LPCAT3: variants seen among roughly 807,000 people sequenced by gnomAD.
LPCAT3 encodes lysophospholipid acyltransferase 5.
A neutral mutation model predicts 63.4 loss-of-function variants in LPCAT3; 21 were observed. That is an observed-to-expected ratio of 0.33 (90% CI 0.23 to 0.48). The LOEUF (loss-of-function observed/expected upper bound fraction) is 0.48, where lower values mean the gene tolerates loss of function less well. Ranked by LOEUF, LPCAT3 falls within the 20% of genes least tolerant of loss-of-function variation. The probability of loss-of-function intolerance (pLI) is 0.99; values close to 1 mark genes in which losing one functional copy is unlikely to be tolerated. For synonymous variants in LPCAT3, 242 were observed against 227.5 expected, an observed-to-expected ratio of 1.06 and a Z score of -0.58; for missense variants, 451 against 590.6, an observed-to-expected ratio of 0.76 and a Z score of 2.45.
Position 7,018,386 on chromosome 12 carries a change from C to T in LPCAT3, c.39G>A (p.Val13=). The stretch of plus-strand genomic sequence containing the variant: ...CCGACTGCAGAACCCCCGCCAGCGC[C>T]ACCACAGTCCCCTCGTCCCCCTCCG... ...SSAEGDEGTV[V]ALAGVLQSGF... Residue 13 remains valine (V), a synonymous_variant, in exon 1 of 13, where the codon GTG becomes GTA. Transcript: ENST00000261407. This position sits in a 1 kb window ranked among gnomAD's most constrained non-coding sequence, Gnocchi z 4.9. 6.2e-7 allele frequency: 1 copy of T among 1,612,334 alleles called. No individual in the cohort carries two copies. The highest frequency in any genetic ancestry group is 8.5e-7 in the Non-Finnish European group (1 of 1,179,158).
intron 1 of LPCAT3, among the ~76,000 whole-genome samples, chr12:6,996,362 C>G (rs1266127132): frequency 6.6e-6 from 1 of 152,096 alleles, no homozygotes; most frequent in Non-Finnish European, 1.5e-5. Context: ...ACAACACTAC[C>G]CCTCCCCACC....
intron 6 of LPCAT3, chr12:6,980,021 CTTTTTTTTTTT>C (rs34110645): frequency 1.6e-5 from 2 of 122,838 alleles, no homozygotes; most frequent in African/African-American, 3.0e-5. Flanking sequence ...GGCAATTAAA[CTTTTTTTTTTT>C]TTTTTTTTTT....
At chr12:7,013,893 C>G (rs1555157403) in intron 1 of LPCAT3, among the ~76,000 whole-genome samples, 1 of 152,226 alleles carries the variant, frequency 6.6e-6, no homozygotes, top group Non-Finnish European at 1.5e-5. Flanking sequence ...TCCCTATCAC[C>G]TACGTGAGTA....
At chr12:6,999,335 T>A (rs781894658) in intron 1 of LPCAT3, among the ~76,000 whole-genome samples, 1 of 152,154 alleles carries the variant, frequency 6.6e-6, no homozygotes. Flanking sequence ...CAAAAATGTC[T>A]GAGGGAGGAA....
rs782281433 is a variant in LPCAT3, at chr12:7,018,450, C to T, written c.-26G>A. ...CTTAACTCCGGGAGCCCCACAGGGACCCCCCAGCTCCGCGCGCCCCGAATG... is the reference window on the plus strand; with the variant it reads ...CTTAACTCCGGGAGCCCCACAGGGATCCCCCAGCTCCGCGCGCCCCGAATG... On this transcript the variant is annotated 5_prime_UTR_variant, in exon 1 of 13. Coordinates refer to ENST00000261407, the MANE Select transcript of LPCAT3 (RefSeq NM_005768.6). This position sits in a 1 kb window ranked among gnomAD's most constrained non-coding sequence, Gnocchi z 4.9. The T allele has an allele frequency of 2.6e-6, 4 of 1,546,064 alleles. No individual in the cohort carries two copies. Among genetic ancestry groups the T allele is most frequent in the Non-Finnish European group, 3.5e-6 (4 of 1,141,512 alleles).
chr12:6,980,938 T>C (rs1555153975), intron 6 of LPCAT3, 66 bp downstream of exon 6: 3 of 1,462,974 alleles, frequency 2.1e-6, no homozygotes, highest in East Asian at 4.7e-5. Flanking sequence ...AATGCAGCTT[T>C]CAGAAGAGTC....
chr12:6,978,092 G>C (rs948522601), intron 9 of LPCAT3: 23 of 565,972 alleles, frequency 4.1e-5, no homozygotes, highest in Non-Finnish European at 9.4e-6. Context: ...GAGGACATAA[G>C]TCCATTGGCA....
chr12:7,003,088 C>T lies in LPCAT3; in HGVS notation c.151+15186G>A, dbSNP rs782071893. On this transcript the variant is annotated intron_variant, in intron 1 of 12. Transcript: ENST00000261407. ...AACATACATTTGTAGCATTTTTTTTCCTTCAGAGTATGAAGAAATCAGTAA... is the reference window on the plus strand; with the variant it reads ...AACATACATTTGTAGCATTTTTTTTTCTTCAGAGTATGAAGAAATCAGTAA... Among the ~76,000 whole-genome samples the T allele has an allele frequency of 1.4e-4, 21 of 151,976 alleles. No homozygotes were observed. In the South Asian group the frequency reaches 3.9e-3, roughly 29 times the overall value.
intron 1 of LPCAT3, among the ~76,000 whole-genome samples, chr12:7,000,780 C>T (rs1022863199): frequency 4.0e-5 from 6 of 151,510 alleles, no homozygotes; most frequent in Admixed American, 6.6e-5. Context: ...GATCTCGGCT[C>T]ACTGCAAGCT....
Position 6,977,176 on chromosome 12 carries a change from T to C in LPCAT3, c.1434A>G (p.Pro478=). The C allele has an allele frequency of 6.2e-7, 1 of 1,613,112 alleles. No homozygotes were observed. The highest frequency in any genetic ancestry group is 1.3e-5 in the African/African-American group (1 of 75,032). Reference sequence around the variant, plus strand: ...CCATCTTCTTTAACTTCTCTTTCCTTGGCACCATTGCTTTGTGAATATAAG... The same window carrying C: ...CCATCTTCTTTAACTTCTCTTTCCTCGGCACCATTGCTTTGTGAATATAAG... ...ILPYIHKAMV[P]RKEKLKKME Residue 478 remains proline, a synonymous_variant, in exon 12 of 13, where the codon CCA becomes CCG. Transcript: ENST00000261407. The surrounding 1 kb of genome is among the most constrained non-coding windows in gnomAD (Gnocchi z 4.5).
intron 1 of LPCAT3, among the ~76,000 whole-genome samples, chr12:6,999,922 T>C (rs1591554586): frequency 6.8e-6 from 1 of 147,868 alleles, no homozygotes; most frequent in East Asian, 2.0e-4. Context: ...CATTCTTTTT[T>C]TTTTTTTTTT....
intron 1 of LPCAT3, among the ~76,000 whole-genome samples, chr12:7,016,900 G>A (rs1483877720): frequency 2.6e-5 from 4 of 152,168 alleles, no homozygotes; most frequent in Non-Finnish European, 5.9e-5. Context: ...GAAGAAAAAG[G>A]TGATCTTTAT....
In LPCAT3 at chr12:6,983,484, G is replaced by C; in HGVS notation, c.207C>G (p.Leu69=). 1 of 1,613,320 alleles carries C rather than the reference G, an allele frequency of 6.2e-7. No homozygotes were observed. Among genetic ancestry groups the C allele is most frequent in the Non-Finnish European group, 8.5e-7 (1 of 1,179,332 alleles). Residue 69 remains leucine, a synonymous_variant, in exon 2 of 13, where the codon CTC becomes CTG. Coordinates refer to ENST00000261407, the MANE Select transcript of LPCAT3 (RefSeq NM_005768.6). ...CTGTAAAGGTATGGAAGAGGTGGAT[G>C]AGGTAGGTCTCCTTGTAGAAAAGGT... is the stretch of plus-strand genomic sequence containing the variant. ...RHYLFYKETY[L]IHLFHTFTGL...
chr12:7,003,646 G>C (rs1946705243), intron 1 of LPCAT3, among the ~76,000 whole-genome samples: 1 of 152,030 alleles, frequency 6.6e-6, no homozygotes, highest in Non-Finnish European at 1.5e-5. Flanking sequence ...GATGCGGCCG[G>C]GCGCGGTGGC....
chr12:6,982,030 C>A (rs1946476550), intron 3 of LPCAT3, 126 bp from the exon 4 acceptor site: 2 of 635,018 alleles, frequency 3.1e-6, no homozygotes, highest in Admixed American at 5.3e-5. Context: ...TAAATTCCTA[C>A]AAATGGAGGT....
In LPCAT3 at chr12:7,018,322, G is replaced by A. The variant is rs782288898; in HGVS notation, c.103C>T (p.Leu35=). The change falls in exon 1 of 13, where the codon CTG becomes TTG. Residue 35 remains leucine, a synonymous_variant. Transcript: ENST00000261407. This position sits in a 1 kb window ranked among gnomAD's most constrained non-coding sequence, Gnocchi z 4.9. Reference sequence around the variant, plus strand: ...CGCAGCGCCTGTTCTGACGCGCCCAGGGACGTCGCCAACTTGTTAAGGCTC... The same window carrying A: ...CGCAGCGCCTGTTCTGACGCGCCCAAGGACGTCGCCAACTTGTTAAGGCTC... The part of the protein sequence containing the change: ...ELSLNKLATS[L]GASEQALRLI... 44 of 1,610,114 alleles carry A rather than the reference G, an allele frequency of 2.7e-5. No individual in the cohort carries two copies. In the Admixed American group the frequency reaches 4.2e-4, roughly 15 times the overall value.
At chr12:7,012,402 G>A (rs1946769051) in intron 1 of LPCAT3, among the ~76,000 whole-genome samples, 1 of 145,238 alleles carries the variant, frequency 6.9e-6, no homozygotes, top group African/African-American at 2.6e-5. Flanking sequence ...TCTTTGTAGG[G>A]CTGACTTTCC....
Position 6,994,769 on chromosome 12 carries a change from C to T in LPCAT3, c.152-11230G>A, listed in dbSNP as rs782727503. On this transcript the variant is annotated intron_variant, in intron 1 of 12. Coordinates refer to ENST00000261407, the MANE Select transcript of LPCAT3 (RefSeq NM_005768.6). ...TGTGCTTGGCCAATGTTCACTCTTA[C>T]TTTCTGTGCTTACTTCTGGCATGGG... Among the ~76,000 whole-genome samples the T allele has an allele frequency of 2.7e-4, 41 of 152,332 alleles. No homozygotes were observed. In the South Asian group the frequency reaches 8.1e-3, roughly 30 times the overall value.
intron 1 of LPCAT3, among the ~76,000 whole-genome samples, chr12:7,009,073 T>C (rs1946745387): frequency 6.6e-6 from 1 of 152,144 alleles, no homozygotes; most frequent in African/African-American, 2.4e-5. Context: ...GAGTACAGGA[T>C]ACAATGACCT....
Sources: allele counts gnomAD v4.1 joint callset (sites outside exome capture counted in the v4.1 genomes callset), GRCh38; gene constraint gnomAD v4.1.1; non-coding constraint Gnocchi (gnomAD v3.1); transcripts MANE v1.5; gene names NCBI Gene and HGNC (gene_info 2026-07-23, HGNC 2026-07-21).